Variants in USP45 observed in about 807,000 individuals in gnomAD.
USP45 encodes ubiquitin carboxyl-terminal hydrolase 45.
A neutral mutation model predicts 95.8 loss-of-function variants in USP45; 89 were observed. That is an observed-to-expected ratio of 0.93 (90% confidence interval 0.78 to 1.11). USP45 has a LOEUF of 1.11. USP45 is among the 50% of genes least tolerant of loss of function. USP45 has a pLI of 0.00. For synonymous variants in USP45, 281 were observed against 316.2 expected (o/e 0.89, Z 1.18); for missense variants, 898 against 942.5 (o/e 0.95, Z 0.62).
At chr6:99,456,786 A>T (rs903300560) in intron 13 of USP45, among the ~76,000 whole-genome samples, 6 of 150,762 alleles carry the variant, frequency 4.0e-5, no homozygotes, top group Non-Finnish European at 5.9e-5. Flanking sequence ...TGAAAAAAGA[A>T]CAGAATAACA....
intron 5 of USP45, chr6:99,501,939 T>C (rs1305245794): frequency 1.5e-6 from 2 of 1,300,728 alleles, no homozygotes; most frequent in Non-Finnish European, 2.0e-6. Context: ...ACAGTTTATA[T>C]CAACAAACTG....
intron 7 of USP45, among the ~76,000 whole-genome samples, 157 bp from the exon 8 acceptor site, chr6:99,483,040 A>G (rs1307635346): frequency 1.3e-5 from 2 of 152,196 alleles, no homozygotes; most frequent in Admixed American, 6.5e-5. Flanking sequence ...ATAAAAATGG[A>G]AAACAGAATA....
chr6:99,515,860 C>T (rs927398737), upstream of USP45, among the ~76,000 whole-genome samples: 2 of 151,132 alleles, frequency 1.3e-5, no homozygotes, highest in Non-Finnish European at 2.9e-5. Context: ...CTGCAACCTC[C>T]GCCTACCGGG....
chr6:99,450,655 A>G (rs1354487241), intron 13 of USP45, among the ~76,000 whole-genome samples: 1 of 152,256 alleles, frequency 6.6e-6, no homozygotes, highest in Non-Finnish European at 1.5e-5. Flanking sequence ...ATCAATAGAA[A>G]AAGAGGGAAT....
In USP45 at chr6:99,510,217, G is replaced by A. The variant is rs148040887; in HGVS notation, c.4C>T (p.Arg2Trp). M[R>W]VKDPTKALPE... ...AAAGCTTTAGTTGGATCTTTCACCC[G>A]CATCTGTTATTTACTGAAGGGATTG... Residue 2 changes from arginine to tryptophan, a missense_variant, in exon 2 of 18, where the codon CGG (arginine) becomes TGG (tryptophan). Arg to Trp is a moderately radical substitution (Grantham distance 101). Transcript: ENST00000500704. 9.3e-6 allele frequency: 15 copies of A among 1,612,124 alleles called. 1 individual carries two copies. The highest frequency in any genetic ancestry group is 6.7e-5 in the African/African-American group (5 of 74,770).
At chr6:99,498,661 G>C (rs1190127949) in intron 5 of USP45, among the ~76,000 whole-genome samples, 2 of 152,074 alleles carry the variant, frequency 1.3e-5, no homozygotes, top group African/African-American at 4.8e-5. Context: ...TTCTTTCAAG[G>C]GTACTTAAGG....
At position 99,507,407 on chromosome 6, in the gene USP45, A is replaced by G. The variant is rs757147875; in HGVS notation, c.377+21T>C. On this transcript the variant is annotated intron_variant, in intron 4 of 17. Coordinates refer to ENST00000500704, the MANE Select transcript of USP45 (RefSeq NM_001346022.3). ...GGGGGCTGTGGTTAGTGGACACAAG[A>G]ACTAACAAAATTTAACTTACCATAT... The G allele has an allele frequency of 9.3e-6, 14 of 1,504,622 alleles. No homozygotes were observed. In the South Asian group the frequency reaches 1.7e-4, roughly 18 times the overall value. The allele number at this position is 1,504,622 out of a possible 1,614,324, so 93.2% of individuals were successfully genotyped here.
intron 8 of USP45, among the ~76,000 whole-genome samples, chr6:99,482,055 T>C (rs1792563806): frequency 6.6e-6 from 1 of 152,184 alleles, no homozygotes; most frequent in Non-Finnish European, 1.5e-5. Flanking sequence ...TTAAAGTCTA[T>C]AGATATACAA....
intron 5 of USP45, among the ~76,000 whole-genome samples, chr6:99,493,790 C>T (rs764277687): frequency 9.2e-5 from 14 of 152,190 alleles, no homozygotes; most frequent in Non-Finnish European, 1.8e-4. Context: ...CGAGCCACTG[C>T]GCCTGGCCTG....
intron 12 of USP45, 77 bp from the exon 13 acceptor site, chr6:99,464,824 A>T: frequency 3.5e-6 from 5 of 1,438,700 alleles, no homozygotes; most frequent in Non-Finnish European, 4.6e-6. Context: ...AAAATTTTTG[A>T]CTGACTTGAA....
At chr6:99,488,450 CT>C (rs1794484809) in intron 6 of USP45, among the ~76,000 whole-genome samples, 155 bp from the exon 7 acceptor site, 6 of 152,166 alleles carry the variant, frequency 3.9e-5, no homozygotes, top group Admixed American at 2.0e-4. Flanking sequence ...GTAAAGGTCA[CT>C]ATTACCGATA....
At chr6:99,511,845 G>GTATATATATATATATATA (rs751350306) in intron 1 of USP45, among the ~76,000 whole-genome samples, 2 of 22,808 alleles carry the variant, frequency 8.8e-5, no homozygotes, top group Non-Finnish European at 1.2e-4. Flanking sequence ...GTGAGTGTGT[G>GTATATATATATATATATA]TATATATATA....
chr6:99,484,092 T>C (rs2128714176), intron 7 of USP45, among the ~76,000 whole-genome samples: 1 of 129,292 alleles, frequency 7.7e-6, no homozygotes, highest in African/African-American at 2.9e-5. Flanking sequence ...CGCCTCAGCC[T>C]CCCAAGTAGC....
intron 15 of USP45, among the ~76,000 whole-genome samples, chr6:99,442,523 GAA>G (rs1781713960): frequency 6.6e-6 from 1 of 152,140 alleles, no homozygotes; most frequent in African/African-American, 2.4e-5. Flanking sequence ...TTTATATTTA[GAA>G]AGTCTTTCAC....
intron 9 of USP45, among the ~76,000 whole-genome samples, chr6:99,471,009 G>T (rs1013174915): frequency 1.3e-5 from 2 of 152,058 alleles, no homozygotes; most frequent in Admixed American, 6.6e-5. Flanking sequence ...CTCAAAAGAA[G>T]CTAAGAAGTT....
rs193051913 is a variant in USP45, at chr6:99,489,068, A to C, written c.479-248T>G. On this transcript the variant is annotated intron_variant, in intron 5 of 17. Coordinates refer to ENST00000500704, the MANE Select transcript of USP45 (RefSeq NM_001346022.3). Reference sequence around the variant, plus strand: ...TACAGAATAAATTGCAGATGAATTAAAAAACTAAATGTAAAAGAACAGTCG... The same window carrying C: ...TACAGAATAAATTGCAGATGAATTACAAAACTAAATGTAAAAGAACAGTCG... 1.9e-3 allele frequency among the ~76,000 whole-genome samples: 290 copies of C among 152,334 alleles called. 1 individual carries two copies. Among genetic ancestry groups the C allele is most frequent in the Admixed American group, 6.2e-3 (95 of 15,296 alleles).
Position 99,464,669 on chromosome 6 carries a change from TGC to T in USP45, c.1241_1242del (p.Gly414GlufsTer11). ...TGATGAATATTTTCTATAGTAACAT[TGC>T]CACTGTATCGATCATGATCTGTCTC... is the stretch of plus-strand genomic sequence containing the variant. Reference protein sequence around the residue: ...LRETDHDRYSGNVTIENIHQP... With the variant: ...LRETDHDRYSXNVTIENIHQP... On this transcript the variant is annotated frameshift_variant, in exon 13 of 18. Transcript: ENST00000500704. LOFTEE classifies it high-confidence loss of function. 2 of 1,613,242 alleles carry T rather than the reference TGC, an allele frequency of 1.2e-6. No homozygotes were observed. The highest frequency in any genetic ancestry group is 1.7e-6 in the Non-Finnish European group (2 of 1,179,796).
chr6:99,462,399 C>A (rs1444817597), intron 13 of USP45: 7 of 984,102 alleles, frequency 7.1e-6, no homozygotes, highest in Non-Finnish European at 8.4e-6. Context: ...TGGCCAGTAC[C>A]ACAGAATCTC....
rs66817403 is a variant in USP45 at position 99,446,484 on chromosome 6, CAAAGA to C, written c.1309-26_1309-22del. 0.31 allele frequency: 487,885 copies of C among 1,586,500 alleles called. 77,482 individuals are homozygous for C. The highest frequency in any genetic ancestry group is 0.43 in the East Asian group (19,270 of 44,594). ...TGACTCTGTAAGTTGACAGTGTTTT[CAAAGA>C]AAAGAGTCTTGTAACCTCATTGAAA... On this transcript the variant is annotated intron_variant, in intron 13 of 17. Coordinates refer to ENST00000500704, the MANE Select transcript of USP45 (RefSeq NM_001346022.3).
Sources: gnomAD v4.1 joint callset for allele counts (sites outside exome capture counted in the v4.1 genomes callset) on GRCh38, gnomAD v4.1.1 for gene constraint, MANE v1.5 for transcripts, NCBI Gene and HGNC (gene_info 2026-07-23, HGNC 2026-07-21) for gene names.